The following SLC24A4 variants were observed in gnomAD, a reference collection of about 807,000 sequenced individuals.
SLC24A4 encodes the protein sodium/potassium/calcium exchanger 4.
Under a neutral mutation model 79.0 loss-of-function variants are expected in SLC24A4, and 53 were observed. That is an observed-to-expected ratio of 0.67 (90% CI 0.54 to 0.84). The LOEUF is 0.84. SLC24A4 is among the 40% of genes least tolerant of loss of function. The probability of loss-of-function intolerance (pLI) is 0.00; values close to 1 mark genes in which losing one functional copy is unlikely to be tolerated. For missense variants in SLC24A4, 731 were observed against 822.0 expected (o/e 0.89, Z 1.35); for synonymous variants, 323 against 323.8 (o/e 1.00, Z 0.03).
At chr14:92,469,923 A>G (rs1894343950) in intron 12 of SLC24A4, among the ~76,000 whole-genome samples, 1 of 152,230 alleles carries the variant, frequency 6.6e-6, no homozygotes, top group African/African-American at 2.4e-5. Flanking sequence ...AGGAATGGGA[A>G]TGACCGCTAA....
chr14:92,453,964 C>A lies in SLC24A4; in HGVS notation c.945C>A (p.Ser315Arg), dbSNP rs1893305950. The A allele has an allele frequency of 6.2e-7, 1 of 1,613,630 alleles. No individual in the cohort carries two copies. Among genetic ancestry groups the A allele is most frequent in the Non-Finnish European group, 8.5e-7 (1 of 1,179,854 alleles). ...VVMVDEIMSS[S>R]PPKFTFPEAG... ...TGGTGGACGAGATTATGAGCTCCAG[C>A]CCTCCCAAGTTCACCTTCCCTGAAG... The change falls in exon 11 of 17, where the codon AGC becomes AGA. Residue 315 changes from serine to arginine, a missense_variant. Ser to Arg is a moderately radical substitution (Grantham distance 110). Coordinates refer to ENST00000532405, the MANE Select transcript of SLC24A4 (RefSeq NM_153646.4).
rs1418007894 is a variant in SLC24A4, at chr14:92,497,694, G to A, written c.*4066G>A. The stretch of plus-strand genomic sequence containing the variant: ...CCACACTTTGGAACTTTCCCCCTGG[G>A]ATTCAGCAGTTGAGAAGCAGAGACC... On this transcript the variant is annotated 3_prime_UTR_variant, in exon 17 of 17. Coordinates refer to ENST00000532405, the MANE Select transcript of SLC24A4 (RefSeq NM_153646.4). 1 of 152,282 alleles carries A rather than the reference G, an allele frequency of 6.6e-6. No homozygotes were observed. The highest frequency in any genetic ancestry group is 1.5e-5 in the Non-Finnish European group (1 of 68,102). 9.4% of individuals were successfully genotyped at this position (152,282 alleles called of 1,614,324 possible).
At chr14:92,386,365 C>T (rs1889156225) in intron 2 of SLC24A4, among the ~76,000 whole-genome samples, 1 of 152,114 alleles carries the variant, frequency 6.6e-6, no homozygotes, top group Non-Finnish European at 1.5e-5. Context: ...ACAGACCTAC[C>T]TTCTGAGGTC....
rs1223897017 is a variant in SLC24A4 at position 92,443,486 on chromosome 14, C to T, written c.657+12C>T. ...TCGTGCTCATCGTGGTGAGTTGCCC[C>T]TCTGCCCCCAAGGTCAGGTTGGCTG... On this transcript the variant is annotated intron_variant, in intron 7 of 16. Coordinates refer to ENST00000532405, the MANE Select transcript of SLC24A4 (RefSeq NM_153646.4). 2 of 1,613,958 alleles carry T rather than the reference C, an allele frequency of 1.2e-6. No individual in the cohort carries two copies. The highest frequency in any genetic ancestry group is 8.5e-7 in the Non-Finnish European group (1 of 1,179,942).
At chr14:92,397,634 T>C (rs1889851415) in intron 2 of SLC24A4, among the ~76,000 whole-genome samples, 1 of 152,042 alleles carries the variant, frequency 6.6e-6, no homozygotes, top group African/African-American at 2.4e-5. Context: ...ACAGAGATGG[T>C]GTGTGGGCTG....
Position 92,333,523 on chromosome 14 carries a change from T to G in SLC24A4, c.241+7545T>G, listed in dbSNP as rs981641987. Among the ~76,000 whole-genome samples the G allele has an allele frequency of 2.0e-5, 3 of 152,208 alleles. 1 individual carries two copies. Among genetic ancestry groups the G allele is most frequent in the Non-Finnish European group, 1.5e-5 (1 of 68,020 alleles). The stretch of plus-strand genomic sequence containing the variant: ...GGGGCTTGATTTCCCCTTGTTGTTG[T>G]GGGAGGGATTTAAGTCCTCCTTTAG... On this transcript the variant is annotated intron_variant, in intron 2 of 16. Coordinates refer to ENST00000532405, the MANE Select transcript of SLC24A4 (RefSeq NM_153646.4).
At chr14:92,457,838 C>G (rs574900158) in intron 12 of SLC24A4, among the ~76,000 whole-genome samples, 10 of 152,352 alleles carry the variant, frequency 6.6e-5, no homozygotes, top group South Asian at 6.2e-4. Flanking sequence ...TAACATCAGG[C>G]TCACTGAGCA....
intron 7 of SLC24A4, 91 bp downstream of exon 7, chr14:92,443,565 C>A: frequency 1.5e-6 from 2 of 1,308,542 alleles, no homozygotes; most frequent in Non-Finnish European, 2.2e-6. Flanking sequence ...GCACTGTGAC[C>A]AGAGAGGACT....
Position 92,443,393 on chromosome 14 carries a change from C to T in SLC24A4, c.583-7C>T. ...CATAGCAGCCAACGACGGGGCTCTGCTGGCAGGTGGTCCGTCTGACGTGGT... is the reference window on the plus strand; with the variant it reads ...CATAGCAGCCAACGACGGGGCTCTGTTGGCAGGTGGTCCGTCTGACGTGGT... On this transcript the variant is annotated splice_region_variant and splice_polypyrimidine_tract_variant and intron_variant, in intron 6 of 16. Coordinates refer to ENST00000532405, the MANE Select transcript of SLC24A4 (RefSeq NM_153646.4). 1.2e-6 allele frequency: 2 copies of T among 1,614,076 alleles called. No homozygotes were observed. The highest frequency in any genetic ancestry group is 1.7e-6 in the Non-Finnish European group (2 of 1,179,994).
At chr14:92,435,910 T>C (rs2139795296) in intron 3 of SLC24A4, among the ~76,000 whole-genome samples, 1 of 152,298 alleles carries the variant, frequency 6.6e-6, no homozygotes, top group Admixed American at 6.5e-5. Context: ...TCTGTGGTCC[T>C]GCCTCGTGAA....
chr14:92,477,594 A>G lies in SLC24A4; in HGVS notation c.1256-5086A>G, dbSNP rs140588260. Among the ~76,000 whole-genome samples, 6 of 151,926 alleles carry G rather than the reference A, an allele frequency of 3.9e-5. No homozygotes were observed. The East Asian group carries it at 5.8e-4, about 15-fold the overall frequency. ...CCCACCTCAACCTCCCAAGTAGTTGAGACTAAAAGGCCACCATGCCCAGCT... is the reference window on the plus strand; with the variant it reads ...CCCACCTCAACCTCCCAAGTAGTTGGGACTAAAAGGCCACCATGCCCAGCT... On this transcript the variant is annotated intron_variant, in intron 12 of 16. Coordinates refer to ENST00000532405, the MANE Select transcript of SLC24A4 (RefSeq NM_153646.4).
At chr14:92,327,375 G>T (rs1416059514) in intron 2 of SLC24A4, among the ~76,000 whole-genome samples, 1 of 152,168 alleles carries the variant, frequency 6.6e-6, no homozygotes, top group African/African-American at 2.4e-5. Context: ...CCCTCCCCCA[G>T]GGTGTCTCCT....
At chr14:92,400,564 G>A (rs1257255670) in intron 2 of SLC24A4, among the ~76,000 whole-genome samples, 1 of 152,076 alleles carries the variant, frequency 6.6e-6, no homozygotes, top group East Asian at 1.9e-4. Context: ...GCCTTCTTTG[G>A]GGCATGCAGG....
intron 7 of SLC24A4, among the ~76,000 whole-genome samples, chr14:92,444,584 G>A (rs1351367935): frequency 6.6e-6 from 1 of 152,210 alleles, no homozygotes; most frequent in Non-Finnish European, 1.5e-5. Flanking sequence ...GCTGGGCGCG[G>A]TGGCTCACGC....
chr14:92,468,276 A>T (rs994212196), intron 12 of SLC24A4, among the ~76,000 whole-genome samples: 1 of 152,238 alleles, frequency 6.6e-6, no homozygotes, highest in African/African-American at 2.4e-5. Context: ...AATCAAATAA[A>T]TGGAAAGATG....
At chr14:92,493,009 CACACACACAGAG>C (rs1008471405) in intron 16 of SLC24A4, 3 of 271,098 alleles carry the variant, frequency 1.1e-5, no homozygotes, top group African/African-American at 8.9e-5. Flanking sequence ...CACACACACA[CACACACACAGAG>C]AAAGATTTGC....
chr14:92,354,336 AG>A (rs1277747181), intron 2 of SLC24A4, among the ~76,000 whole-genome samples: 15 of 152,092 alleles, frequency 9.9e-5, no homozygotes, highest in African/African-American at 3.6e-4. Flanking sequence ...TATTTTCAGT[AG>A]AGACGGGGTT....
Position 92,484,598 on chromosome 14 carries a change from C to T in SLC24A4, c.1422+1752C>T, listed in dbSNP as rs573235342. On this transcript the variant is annotated intron_variant, in intron 13 of 16. Transcript: ENST00000532405. ...TAACTCAGGAGAGGCAGAACCACTC[C>T]AAGCCTCCAGGACCCCAGCATCTGC... 20 of 985,402 alleles carry T rather than the reference C, an allele frequency of 2.0e-5. No individual in the cohort carries two copies. The African/African-American group carries it at 3.5e-4, about 17-fold the overall frequency. 61.0% of individuals were successfully genotyped at this position (985,402 alleles called of 1,614,324 possible).
intron 7 of SLC24A4, 109 bp from the exon 8 acceptor site, chr14:92,445,208 A>G (rs1892730477): frequency 1.7e-6 from 2 of 1,189,742 alleles, no homozygotes; most frequent in Non-Finnish European, 2.5e-6. Flanking sequence ...CATAACACAT[A>G]TAACAAGGCC....
Sources: gnomAD v4.1 joint callset for allele counts (sites outside exome capture counted in the v4.1 genomes callset) on GRCh38, gnomAD v4.1.1 for gene constraint, MANE v1.5 for transcripts, NCBI Gene and HGNC (gene_info 2026-07-23, HGNC 2026-07-21) for gene names.